The following MAGI2 variants were observed in gnomAD, a reference collection of about 807,000 sequenced individuals.
MAGI2 encodes the protein membrane associated guanylate kinase, WW and PDZ domain containing 2, also known as membrane-associated guanylate kinase, WW and PDZ domain-containing protein 2.
In MAGI2, 35 loss-of-function variants were observed where a neutral mutation model predicts 133.3. The observed-to-expected ratio is 0.26, with a 90% CI of 0.20 to 0.35. The LOEUF is 0.35. MAGI2 is among the 10% of genes least tolerant of loss of function. MAGI2 has a pLI of 1.00. For synonymous variants in MAGI2, 729 were observed against 710.6 expected (o/e 1.03, Z -0.41); for missense variants, 1,636 against 1,863.4 (o/e 0.88, Z 2.25).
chr7:79,140,439 T>C (rs1822014640), intron 1 of MAGI2, among the ~76,000 whole-genome samples: 1 of 152,194 alleles, frequency 6.6e-6, no homozygotes, highest in African/African-American at 2.4e-5. Flanking sequence ...GTTGTTTCTC[T>C]CCTCTGAGAC....
intron 6 of MAGI2, among the ~76,000 whole-genome samples, chr7:78,477,152 A>G (rs974535285): frequency 2.0e-5 from 3 of 151,766 alleles, no homozygotes; most frequent in Non-Finnish European, 4.4e-5. Context: ...TCACCTTTCT[A>G]TTTTGCTTTC....
At chr7:78,105,652 G>C (rs10953456) in intron 20 of MAGI2, among the ~76,000 whole-genome samples, 40,018 of 151,932 alleles carry the variant, frequency 0.26, 5,933 homozygotes, top group East Asian at 0.57. Context: ...TTCCTCTTCT[G>C]TGATATGCGT....
chr7:79,184,799 T>G (rs1826930304), intron 1 of MAGI2, among the ~76,000 whole-genome samples: 1 of 151,868 alleles, frequency 6.6e-6, no homozygotes, highest in Non-Finnish European at 1.5e-5. Flanking sequence ...GTTTAAGTTT[T>G]GGATAACTTT....
chr7:78,954,893 G>T (rs768719299), intron 2 of MAGI2, among the ~76,000 whole-genome samples: 1 of 152,072 alleles, frequency 6.6e-6, no homozygotes, highest in Non-Finnish European at 1.5e-5. Flanking sequence ...AAAAAAAGAG[G>T]TCTGGTTATT....
intron 3 of MAGI2, among the ~76,000 whole-genome samples, chr7:78,545,531 T>C (rs549084084): frequency 6.6e-6 from 1 of 152,254 alleles, no homozygotes; most frequent in Non-Finnish European, 1.5e-5. Context: ...CTGATGCTTA[T>C]GCAACATTAA....
intron 18 of MAGI2, 96 bp downstream of exon 18, chr7:78,132,793 G>GTC (rs559011071): frequency 3.8e-5 from 58 of 1,546,044 alleles, no homozygotes; most frequent in Non-Finnish European, 5.0e-5. Context: ...CTTTATAAAA[G>GTC]TCTCTCTCTC....
At position 79,425,600 on chromosome 7, in the gene MAGI2, G is replaced by A. The variant is rs202195212; in HGVS notation, c.301+27420C>T. On this transcript the variant is annotated intron_variant, in intron 1 of 21. Coordinates refer to ENST00000354212, the MANE Select transcript of MAGI2 (RefSeq NM_012301.4). ...GTTTTATATATATATATATATATAT[G>A]TATATATATGTATATATACGTTTTG... Among the ~76,000 whole-genome samples, 16 of 38,460 alleles carry A rather than the reference G, an allele frequency of 4.2e-4. No homozygotes were observed. In the East Asian group the frequency reaches 9.3e-3, roughly 22 times the overall value. 25.2% of individuals were successfully genotyped at this position (38,460 alleles called of 152,430 possible).
chr7:78,671,540 G>A (rs1019685701), intron 2 of MAGI2, among the ~76,000 whole-genome samples: 1 of 152,088 alleles, frequency 6.6e-6, no homozygotes, highest in Non-Finnish European at 1.5e-5. Context: ...ATTGGTTGAT[G>A]TGAGCTTTGC....
At chr7:78,755,467 G>A (rs977743565) in intron 2 of MAGI2, among the ~76,000 whole-genome samples, 3 of 152,106 alleles carry the variant, frequency 2.0e-5, no homozygotes, top group African/African-American at 7.2e-5. Context: ...GAGTCTATGG[G>A]CTTAAATACG....
At chr7:79,382,259 A>C (rs1843846579) in intron 1 of MAGI2, among the ~76,000 whole-genome samples, 1 of 151,748 alleles carries the variant, frequency 6.6e-6, no homozygotes, top group Non-Finnish European at 1.5e-5. Flanking sequence ...ATTATAATCC[A>C]GTGGGAATTC....
At chr7:78,958,215 G>A (rs1429045841) in intron 2 of MAGI2, among the ~76,000 whole-genome samples, 3 of 152,104 alleles carry the variant, frequency 2.0e-5, no homozygotes, top group African/African-American at 7.2e-5. Flanking sequence ...CAGCCACTCT[G>A]CTCCTTTGTC....
At chr7:78,224,942 T>C (rs192415473) in intron 10 of MAGI2, among the ~76,000 whole-genome samples, 9 of 152,080 alleles carry the variant, frequency 5.9e-5, no homozygotes, top group Non-Finnish European at 8.8e-5. Flanking sequence ...AGCAGAGAAA[T>C]AGGTCCTGAG....
chr7:78,834,955 C>G (rs112553064), intron 2 of MAGI2, among the ~76,000 whole-genome samples: 1 of 152,136 alleles, frequency 6.6e-6, no homozygotes, highest in Non-Finnish European at 1.5e-5. Flanking sequence ...CTGAGGCCTC[C>G]TCAGAAGCTG....
chr7:78,376,179 T>C (rs950008478), intron 6 of MAGI2, among the ~76,000 whole-genome samples: 1 of 152,150 alleles, frequency 6.6e-6, no homozygotes, highest in Non-Finnish European at 1.5e-5. Context: ...TGCTCCTTTT[T>C]ACCAGAAATC....
Position 78,256,459 on chromosome 7 carries a change from G to A in MAGI2, c.1531C>T (p.Pro511Ser). 1 of 1,613,840 alleles carries A rather than the reference G, an allele frequency of 6.2e-7. No individual in the cohort carries two copies. ...SVNLVLCRGY[P>S]LPFDPEDPAN... ...GGGTCTTCAGGATCAAAGGGCAAAG[G>A]GTAGCCACGACACAACACCAGGTTG... Residue 511 changes from proline to serine, a missense_variant, in exon 10 of 22, where the codon CCT becomes TCT. By Grantham distance (74) the Pro-to-Ser change is moderately conservative. Coordinates refer to ENST00000354212, the MANE Select transcript of MAGI2 (RefSeq NM_012301.4).
rs371689548 is a variant in MAGI2, at chr7:78,509,728, A to G, written c.755-7941T>C. Among the ~76,000 whole-genome samples, 5 of 152,330 alleles carry G rather than the reference A, an allele frequency of 3.3e-5. No individual in the cohort carries two copies. The East Asian group carries it at 7.7e-4, about 23-fold the overall frequency. ...GTTTTCAACGTTCCCACCCAGTTTC[A>G]TTAAAGAATAACCAGAAGCCAAGAT... is the stretch of plus-strand genomic sequence containing the variant. On this transcript the variant is annotated intron_variant, in intron 4 of 21. Coordinates refer to ENST00000354212, the MANE Select transcript of MAGI2 (RefSeq NM_012301.4).
At chr7:78,566,119 C>T (rs373769682) in intron 3 of MAGI2, among the ~76,000 whole-genome samples, 6 of 152,102 alleles carry the variant, frequency 3.9e-5, no homozygotes, top group African/African-American at 1.4e-4. Flanking sequence ...GAGATGGCCC[C>T]GTTGATGACA....
At chr7:78,331,796 C>A (rs946388469) in intron 9 of MAGI2, among the ~76,000 whole-genome samples, 1 of 152,172 alleles carries the variant, frequency 6.6e-6, no homozygotes, top group Non-Finnish European at 1.5e-5. Flanking sequence ...TGCTCTCAGG[C>A]CGAGTAGAGG....
intron 2 of MAGI2, among the ~76,000 whole-genome samples, chr7:78,669,887 G>T (rs200268656): frequency 7.1e-5 from 10 of 141,116 alleles, no homozygotes; most frequent in Middle Eastern, 6.5e-3. Flanking sequence ...CATGCTAAAA[G>T]CTCTCAATAA....
Sources: allele counts gnomAD v4.1 joint callset (sites outside exome capture counted in the v4.1 genomes callset), GRCh38; gene constraint gnomAD v4.1.1; transcripts MANE v1.5; gene names NCBI Gene and HGNC (gene_info 2026-07-23, HGNC 2026-07-21).